AFAP1: variants seen among roughly 807,000 people sequenced by gnomAD.
AFAP1 encodes actin filament associated protein 1.
A neutral mutation model predicts 93.9 loss-of-function variants in AFAP1; 75 were observed. The ratio of observed to expected loss-of-function variants is 0.80; its 90% CI spans 0.66 to 0.97. AFAP1 has a LOEUF of 0.97. AFAP1 is among the 50% of genes least tolerant of loss of function. The pLI, the probability that AFAP1 is intolerant of heterozygous loss-of-function variation, is 0.00. For synonymous variants in AFAP1, 517 were observed against 430.7 expected (o/e 1.20, Z -2.48); for missense variants, 1,201 against 1,050.8 (o/e 1.14, Z -1.98).
intron 3 of AFAP1, among the ~76,000 whole-genome samples, chr4:7,865,097 C>G (rs187383666): frequency 6.6e-6 from 1 of 152,000 alleles, no homozygotes; most frequent in Non-Finnish European, 1.5e-5. Flanking sequence ...GATTGTGTTA[C>G]AAAAACTGGA....
At chr4:7,879,103 T>C (rs1255957297) in intron 1 of AFAP1, among the ~76,000 whole-genome samples, 1 of 152,174 alleles carries the variant, frequency 6.6e-6, no homozygotes, top group African/African-American at 2.4e-5. Flanking sequence ...TTCACCCAAC[T>C]TCCTCAATGT....
chr4:7,764,361 C>T (rs560212667), intron 17 of AFAP1, among the ~76,000 whole-genome samples: 11 of 151,334 alleles, frequency 7.3e-5, no homozygotes, highest in Admixed American at 2.6e-4. Flanking sequence ...GGCAACGTAG[C>T]GAGACCGCAT....
rs891550738 is a variant in AFAP1 at position 7,819,226 on chromosome 4, G to C, written c.727-55C>G. 2.0e-5 allele frequency: 30 copies of C among 1,487,228 alleles called. No homozygotes were observed. The South Asian group carries it at 3.6e-4, about 18-fold the overall frequency. 92.1% of individuals were successfully genotyped at this position (1,487,228 alleles called of 1,614,324 possible). Reference sequence around the variant, plus strand: ...TGCCCAAAGGCAGAGATACTTAAAGGCTTGAACTGTGAGTTGTACAGACAG... The same window carrying C: ...TGCCCAAAGGCAGAGATACTTAAAGCCTTGAACTGTGAGTTGTACAGACAG... On this transcript the variant is annotated intron_variant, in intron 6 of 17. Transcript: ENST00000420658.
chr4:7,904,554 G>A lies in AFAP1; in HGVS notation c.-2-32474C>T, dbSNP rs114090414. ...TCTAGTTCTCGCTGAAATCCTGTAA[G>A]ATCAGTACCATATTCTCTCATTTTT... is the stretch of plus-strand genomic sequence containing the variant. On this transcript the variant is annotated intron_variant, in intron 1 of 17. Transcript: ENST00000420658. 3.4e-3 allele frequency among the ~76,000 whole-genome samples: 523 copies of A among 152,252 alleles called. 3 individuals carry two copies. Among genetic ancestry groups the A allele is most frequent in the Admixed American group, 5.4e-3 (82 of 15,300 alleles).
Position 7,939,657 on chromosome 4 carries a change from T to A in AFAP1, c.-4A>T, listed in dbSNP as rs894081054. On this transcript the variant is annotated splice_region_variant and 5_prime_UTR_variant, in exon 1 of 18. Transcript: ENST00000420658. This position sits in a 1 kb window ranked among gnomAD's most constrained non-coding sequence, Gnocchi z 5.6. Reference sequence around the variant, plus strand: ...CTGCCGCCAGTCGCGCCGTCTCACCTCAGGCCGCCACCTCGCAGCGCTCGC... The same window carrying A: ...CTGCCGCCAGTCGCGCCGTCTCACCACAGGCCGCCACCTCGCAGCGCTCGC... The A allele has an allele frequency of 9.5e-6, 4 of 419,674 alleles. No homozygotes were observed. The highest frequency in any genetic ancestry group is 8.7e-5 in the African/African-American group (4 of 45,718). The allele number at this position is 419,674 out of a possible 1,614,324, so 26.0% of individuals were successfully genotyped here. A position where few individuals can be genotyped will look rare whatever the true frequency, so the allele number is the denominator to read the frequency against.
intron 1 of AFAP1, among the ~76,000 whole-genome samples, chr4:7,919,186 G>A (rs1425793849): frequency 6.6e-6 from 1 of 152,208 alleles, no homozygotes; most frequent in Non-Finnish European, 1.5e-5. Context: ...GAGCAGTGGA[G>A]GGAAATTCAC....
At chr4:7,780,335 A>T (rs909482308) in intron 13 of AFAP1, among the ~76,000 whole-genome samples, 4 of 152,258 alleles carry the variant, frequency 2.6e-5, no homozygotes, top group African/African-American at 9.6e-5. Context: ...AAGCCGACCT[A>T]TTGGGAGCTA....
At chr4:7,815,610 G>T (rs1720403027) in intron 8 of AFAP1, among the ~76,000 whole-genome samples, 1 of 152,126 alleles carries the variant, frequency 6.6e-6, no homozygotes. Flanking sequence ...AGCTTGAATG[G>T]GAAAGTGGGT....
intron 4 of AFAP1, among the ~76,000 whole-genome samples, chr4:7,846,589 T>G (rs1004593538): frequency 1.6e-4 from 24 of 152,218 alleles, no homozygotes; most frequent in Admixed American, 7.8e-4. Context: ...AAGTAAAGAT[T>G]TAATGAGTCA....
At chr4:7,871,611 G>A (rs542932980) in intron 2 of AFAP1, among the ~76,000 whole-genome samples, 1 of 152,308 alleles carries the variant, frequency 6.6e-6, no homozygotes, top group Non-Finnish European at 1.5e-5. Context: ...CTGCCAGTCG[G>A]ACTGTGCATC....
Position 7,838,721 on chromosome 4 carries a change from A to C in AFAP1, c.547-18T>G. The C allele has an allele frequency of 6.2e-7, 1 of 1,612,098 alleles. No homozygotes were observed. On this transcript the variant is annotated intron_variant, in intron 5 of 17. Transcript: ENST00000420658. ...TTATAGCACTGCATTCAACACAACA[A>C]ATCAACTGATATTATAAGGGAGTTC...
At position 7,841,435 on chromosome 4, in the gene AFAP1, G is replaced by T. The variant is rs550073512; in HGVS notation, c.546+1704C>A. On this transcript the variant is annotated intron_variant, in intron 5 of 17. Coordinates refer to ENST00000420658, the MANE Select transcript of AFAP1 (RefSeq NM_001134647.2). ...AATGCAACCTTCAGTCCTGAAGCGG[G>T]AATCTAGGTACATCACAGTACCCAC... Among the ~76,000 whole-genome samples, 6 of 152,354 alleles carry T rather than the reference G, an allele frequency of 3.9e-5. No homozygotes were observed. In the East Asian group the frequency reaches 1.2e-3, roughly 29 times the overall value.
intron 8 of AFAP1, among the ~76,000 whole-genome samples, chr4:7,813,592 G>C (rs1577242703): frequency 6.6e-6 from 1 of 152,178 alleles, no homozygotes; most frequent in South Asian, 2.1e-4. Context: ...TTCTAAGCAG[G>C]AACATTGAGA....
chr4:7,770,263 G>A (rs1715233675), intron 16 of AFAP1, among the ~76,000 whole-genome samples: 1 of 152,220 alleles, frequency 6.6e-6, no homozygotes, highest in Non-Finnish European at 1.5e-5. Context: ...AGCTGGAGAA[G>A]GGGCCAGAGG....
At chr4:7,915,945 T>C (rs998730333) in intron 1 of AFAP1, among the ~76,000 whole-genome samples, 11 of 152,130 alleles carry the variant, frequency 7.2e-5, no homozygotes, top group African/African-American at 2.7e-4. Context: ...GGTGGAAAAA[T>C]AGGAGGGAGA....
intron 1 of AFAP1, among the ~76,000 whole-genome samples, chr4:7,891,104 A>G (rs999084375): frequency 2.6e-5 from 4 of 152,246 alleles, no homozygotes; most frequent in African/African-American, 7.2e-5. Flanking sequence ...AAAAATAAAT[A>G]AACTACTCAC....
intron 17 of AFAP1, 28 bp from the exon 18 acceptor site, chr4:7,763,819 G>A (rs780807468): frequency 3.2e-6 from 5 of 1,551,152 alleles, no homozygotes; most frequent in Middle Eastern, 1.7e-4. Context: ...CTTGTAAGTG[G>A]ACAGGGCAAG....
At chr4:7,868,777 A>G (rs1379396555) in intron 2 of AFAP1, 58 bp from the exon 3 acceptor site, 1 of 1,426,690 alleles carries the variant, frequency 7.0e-7, no homozygotes, top group African/African-American at 1.8e-5. Flanking sequence ...GAAGGGTACC[A>G]CTAGCATCTA....
In AFAP1 at chr4:7,914,248, T is replaced by C. The variant is rs570397522; in HGVS notation, c.-3+25408A>G. 3.2e-3 allele frequency among the ~76,000 whole-genome samples: 489 copies of C among 152,186 alleles called. 3 individuals carry two copies. Among genetic ancestry groups the C allele is most frequent in the African/African-American group, 0.011 (477 of 41,514 alleles). On this transcript the variant is annotated intron_variant, in intron 1 of 17. Transcript: ENST00000420658. Reference sequence around the variant, plus strand: ...TTTTGTATTTTTAGTAGAGACGGGGTTTCGCCACGTTGGCCAGGCTGGTCT... The same window carrying C: ...TTTTGTATTTTTAGTAGAGACGGGGCTTCGCCACGTTGGCCAGGCTGGTCT...
Sources: gnomAD v4.1 joint callset for allele counts (sites outside exome capture counted in the v4.1 genomes callset) on GRCh38, gnomAD v4.1.1 for gene constraint, Gnocchi (gnomAD v3.1) non-coding constraint, MANE v1.5 for transcripts, NCBI Gene and HGNC (gene_info 2026-07-23, HGNC 2026-07-21) for gene names.